Variants in IQSEC3 observed in about 807,000 individuals in gnomAD.
IQSEC3 encodes the protein IQ motif and SEC7 domain-containing protein 3.
IQSEC3 carries 50 observed loss-of-function variants against 105.4 expected under a neutral mutation model. The ratio of observed to expected loss-of-function variants is 0.47; its 90% CI spans 0.38 to 0.60. IQSEC3 has a LOEUF of 0.60. IQSEC3 is among the 20% of genes least tolerant of loss of function. IQSEC3 has a pLI of 0.00. For missense variants in IQSEC3, 1,415 were observed against 1,630.0 expected, an observed-to-expected ratio of 0.87 and a Z score of 2.27; for synonymous variants, 708 against 746.0, an observed-to-expected ratio of 0.95 and a Z score of 0.83.
intron 1 of IQSEC3, 61 bp from the exon 2 acceptor site, chr12:99,085 C>G: frequency 6.9e-7 from 1 of 1,458,084 alleles, no homozygotes; most frequent in African/African-American, 1.4e-5. Context: ...GCTTTAGTGT[C>G]AGGCAGGGCG....
chr12:96,532 A>G (rs1428361619), intron 1 of IQSEC3, among the ~76,000 whole-genome samples: 1 of 152,216 alleles, frequency 6.6e-6, no homozygotes, highest in Non-Finnish European at 1.5e-5. Flanking sequence ...CAGGGCCAAT[A>G]TATATAAAAG....
chr12:115,363 A>C (rs1428858616), intron 2 of IQSEC3, among the ~76,000 whole-genome samples: 3 of 152,162 alleles, frequency 2.0e-5, no homozygotes, highest in Non-Finnish European at 4.4e-5. Flanking sequence ...AGGAAGATGG[A>C]ATGAAGGGGC....
At chr12:126,957 GTGTT>G (rs1865435552) in intron 3 of IQSEC3, among the ~76,000 whole-genome samples, 1 of 152,200 alleles carries the variant, frequency 6.6e-6, no homozygotes, top group Non-Finnish European at 1.5e-5. Context: ...CATCAGTAAA[GTGTT>G]TGACCAAATC....
chr12:95,477 T>C (rs1436936444), intron 1 of IQSEC3, among the ~76,000 whole-genome samples: 1 of 152,212 alleles, frequency 6.6e-6, no homozygotes, highest in Non-Finnish European at 1.5e-5. Flanking sequence ...ATATTCAGTT[T>C]TAATGGATTT....
intron 2 of IQSEC3, among the ~76,000 whole-genome samples, chr12:119,615 G>A (rs1168692451): frequency 6.6e-6 from 1 of 152,158 alleles, no homozygotes; most frequent in Non-Finnish European, 1.5e-5. Context: ...ACCAGGTGAT[G>A]CACTTGGGAT....
At chr12:72,369 T>C (rs1263003965) in intron 1 of IQSEC3, among the ~76,000 whole-genome samples, 1 of 148,028 alleles carries the variant, frequency 6.8e-6, no homozygotes, top group Non-Finnish European at 1.5e-5. Flanking sequence ...ACATCAGGGC[T>C]CACAATCTGG....
intron 1 of IQSEC3, among the ~76,000 whole-genome samples, chr12:72,221 G>A (rs1396742655): frequency 9.2e-5 from 14 of 152,074 alleles, no homozygotes; most frequent in Non-Finnish European, 1.3e-4. Flanking sequence ...AACAACAGTT[G>A]GTCCTGCTGA....
At position 176,612 on chromosome 12, in the gene IQSEC3, G is replaced by GT. The variant is rs1939244407; in HGVS notation, c.*1582dup. 6.6e-6 allele frequency: 1 copy of GT among 151,730 alleles called. No homozygotes were observed. The highest frequency in any genetic ancestry group is 6.5e-5 in the Admixed American group (1 of 15,276). The allele number at this position is 151,730 out of a possible 1,614,324, so 9.4% of individuals were successfully genotyped here. On this transcript the variant is annotated 3_prime_UTR_variant, in exon 14 of 14. Transcript: ENST00000538872. This position sits in a 1 kb window ranked among gnomAD's most constrained non-coding sequence, Gnocchi z 4.0. ...GCTCCCAGAGGTTCCAGATGACCTA[G>GT]TTTCGTTTTGTGTGTGTGTGTGTGT...
intron 1 of IQSEC3, among the ~76,000 whole-genome samples, chr12:67,936 G>A (rs1555066442): frequency 6.6e-6 from 1 of 152,028 alleles, no homozygotes; most frequent in Admixed American, 6.5e-5. Flanking sequence ...GGAAGAGTAG[G>A]ACTGGGGTAG....
At position 176,157 on chromosome 12, in the gene IQSEC3, C is replaced by G. The variant is rs1939230861; in HGVS notation, c.*1124C>G. 6.6e-6 allele frequency: 1 copy of G among 151,990 alleles called. No homozygotes were observed. The highest frequency in any genetic ancestry group is 2.4e-5 in the African/African-American group (1 of 41,250). 9.4% of individuals were successfully genotyped at this position (151,990 alleles called of 1,614,324 possible). A position where few individuals can be genotyped will look rare whatever the true frequency, so the allele number is the denominator to read the frequency against. ...CTCCTAGAAGGTTCTAGACCCCCCC[C>G]TTCCAGCAGGGGTGCCCAAGAGTCC... On this transcript the variant is annotated 3_prime_UTR_variant, in exon 14 of 14. Transcript: ENST00000538872. This position sits in a 1 kb window ranked among gnomAD's most constrained non-coding sequence, Gnocchi z 4.0.
chr12:170,682 G>A (rs537789351), intron 12 of IQSEC3, among the ~76,000 whole-genome samples: 13 of 152,350 alleles, frequency 8.5e-5, no homozygotes, highest in African/African-American at 2.9e-4. Context: ...GGTGAGTGCT[G>A]TGCAGGCCTC....
chr12:75,690 C>CACTTT (rs1341406468), intron 1 of IQSEC3, among the ~76,000 whole-genome samples: 40 of 152,356 alleles, frequency 2.6e-4, no homozygotes, highest in Admixed American at 6.5e-4. Context: ...TCAAACTCAA[C>CACTTT]ACCTAGAAGG....
At chr12:155,390 A>C (rs1177364078) in intron 5 of IQSEC3, among the ~76,000 whole-genome samples, 2 of 152,206 alleles carry the variant, frequency 1.3e-5, no homozygotes, top group African/African-American at 4.8e-5. Context: ...AGGACAACTC[A>C]TAGCCTGAAG....
At position 99,174 on chromosome 12, in the gene IQSEC3, T is replaced by TG; in HGVS notation, c.584dup (p.Cys195TrpfsTer15). The TG allele has an allele frequency of 1.3e-6, 2 of 1,598,966 alleles. No individual in the cohort carries two copies. The highest frequency in any genetic ancestry group is 1.7e-6 in the Non-Finnish European group (2 of 1,179,760). ...TGAGACCGTGCTGCACCAGTTCTGC[T>TG]GCCCAGCCGCCGACGCCTGCTCCGA... On this transcript the variant is annotated frameshift_variant, in exon 2 of 14. Coordinates refer to ENST00000538872, the MANE Select transcript of IQSEC3 (RefSeq NM_001170738.2). LOFTEE classifies it high-confidence loss of function.
chr12:139,456 C>T, intron 4 of IQSEC3, 102 bp downstream of exon 4: 1 of 956,446 alleles, frequency 1.0e-6, no homozygotes, highest in Non-Finnish European at 1.5e-6. Flanking sequence ...AGGTAACTTC[C>T]CACGTCATGC....
intron 3 of IQSEC3, among the ~76,000 whole-genome samples, chr12:129,597 C>T (rs1865523884): frequency 2.3e-5 from 3 of 132,092 alleles, no homozygotes; most frequent in African/African-American, 8.3e-5. Context: ...CTTTGGGGAG[C>T]CCTTTAGGAA....
At chr12:169,299 A>G (rs1938843495) in intron 12 of IQSEC3, among the ~76,000 whole-genome samples, 194 bp downstream of exon 12, 1 of 152,134 alleles carries the variant, frequency 6.6e-6, no homozygotes, top group Non-Finnish European at 1.5e-5. Context: ...CGAGAGAGAA[A>G]TGTGTCTGTC....
chr12:107,862 A>G (rs10774454), intron 2 of IQSEC3, among the ~76,000 whole-genome samples: 147,045 of 152,208 alleles, frequency 0.97, 71,063 homozygotes, highest in East Asian at 1. Context: ...CCTCCCTTAC[A>G]GAGTATGGAT....
intron 1 of IQSEC3, among the ~76,000 whole-genome samples, chr12:74,582 C>T (rs1313604873): frequency 6.6e-6 from 1 of 152,392 alleles, no homozygotes; most frequent in South Asian, 2.1e-4. Flanking sequence ...GGCACCTTTC[C>T]TCCCTGGCAG....
Sources: gnomAD v4.1 joint callset for allele counts (sites outside exome capture counted in the v4.1 genomes callset) on GRCh38, gnomAD v4.1.1 for gene constraint, Gnocchi (gnomAD v3.1) non-coding constraint, MANE v1.5 for transcripts, NCBI Gene and HGNC (gene_info 2026-07-23, HGNC 2026-07-21) for gene names.